Variants in NTM observed in about 807,000 individuals in gnomAD.
NTM encodes IgLON family member 2.
Under a neutral mutation model 42.1 loss-of-function variants are expected in NTM, and 13 were observed. The ratio of observed to expected loss-of-function variants is 0.31; its 90% confidence interval spans 0.20 to 0.49. The LOEUF (loss-of-function observed/expected upper bound fraction) is 0.49. NTM is among the 20% of genes least tolerant of loss of function. NTM has a pLI of 0.99. For missense variants in NTM, 373 were observed against 452.8 expected (o/e 0.82, Z 1.60); for synonymous variants, 187 against 179.2 (o/e 1.04, Z -0.35).
At chr11:131,681,105 C>T (rs796467767) in intron 1 of NTM, among the ~76,000 whole-genome samples, 1 of 53,696 alleles carries the variant, frequency 1.9e-5, no homozygotes, top group Non-Finnish European at 4.5e-5. Context: ...GTATGTCTCC[C>T]TGTGTGTGTG....
chr11:132,276,183 T>C (rs530464053), intron 4 of NTM, among the ~76,000 whole-genome samples: 1 of 152,266 alleles, frequency 6.6e-6, no homozygotes, highest in East Asian at 1.9e-4. Flanking sequence ...GATTTTATTT[T>C]TGTGTGGCTG....
At chr11:132,237,699 C>G (rs919401764) in intron 4 of NTM, among the ~76,000 whole-genome samples, 1 of 152,104 alleles carries the variant, frequency 6.6e-6, no homozygotes, top group Admixed American at 6.5e-5. Flanking sequence ...GCCAACTGTC[C>G]TCCCCTGTAA....
chr11:131,988,701 G>A (rs1565892537), intron 2 of NTM, among the ~76,000 whole-genome samples: 1 of 152,264 alleles, frequency 6.6e-6, no homozygotes, highest in Non-Finnish European at 1.5e-5. Context: ...TGGTTCCATA[G>A]GCAGTGCCTT....
At chr11:132,253,079 ATT>A (rs1407840383) in intron 4 of NTM, among the ~76,000 whole-genome samples, 2 of 152,176 alleles carry the variant, frequency 1.3e-5, no homozygotes, top group East Asian at 3.8e-4. Context: ...CTATTAAGGG[ATT>A]CTCTGTCCAA....
At chr11:132,282,196 A>G (rs2093996002) in intron 4 of NTM, among the ~76,000 whole-genome samples, 1 of 152,194 alleles carries the variant, frequency 6.6e-6, no homozygotes, top group African/African-American at 2.4e-5. Flanking sequence ...AGCCTGGCTC[A>G]ATGTTTACAT....
At chr11:131,925,806 C>T (rs752845074) in intron 2 of NTM, among the ~76,000 whole-genome samples, 6 of 152,102 alleles carry the variant, frequency 3.9e-5, no homozygotes, top group East Asian at 1.9e-4. Context: ...GGGTAGGAGA[C>T]GTACAAGGAA....
intron 1 of NTM, among the ~76,000 whole-genome samples, chr11:131,832,920 G>A (rs1003008800): frequency 6.6e-6 from 1 of 152,198 alleles, no homozygotes; most frequent in African/African-American, 2.4e-5. Context: ...CTGTTGTAAG[G>A]TATTTGTTGT....
intron 4 of NTM, among the ~76,000 whole-genome samples, chr11:132,263,726 G>A (rs1186375408): frequency 6.6e-6 from 1 of 152,014 alleles, no homozygotes; most frequent in African/African-American, 2.4e-5. Context: ...TAAATATCCA[G>A]TTTCATCCCT....
At chr11:132,031,743 G>C (rs954232809) in intron 2 of NTM, among the ~76,000 whole-genome samples, 2 of 152,176 alleles carry the variant, frequency 1.3e-5, no homozygotes, top group East Asian at 3.9e-4. Flanking sequence ...AGAGGTGCAG[G>C]CTGGAGACAG....
At chr11:131,508,207 A>T (rs1255288439) in intron 1 of NTM, among the ~76,000 whole-genome samples, 1 of 146,138 alleles carries the variant, frequency 6.8e-6, no homozygotes, top group Non-Finnish European at 1.5e-5. Flanking sequence ...AAACAACCCC[A>T]TCAAAAAGTG....
At chr11:131,810,238 C>T (rs1463465179) in intron 1 of NTM, among the ~76,000 whole-genome samples, 1 of 152,170 alleles carries the variant, frequency 6.6e-6, no homozygotes, top group African/African-American at 2.4e-5. Context: ...ATGAGACCAG[C>T]TGAATCCCCC....
chr11:132,122,679 T>C (rs1486586143), intron 2 of NTM, among the ~76,000 whole-genome samples: 1 of 152,138 alleles, frequency 6.6e-6, no homozygotes, highest in East Asian at 1.9e-4. Context: ...CCCAGGGGTG[T>C]CCTGAGCAAA....
chr11:132,159,420 G>GA (rs1368542912), intron 3 of NTM, among the ~76,000 whole-genome samples: 1 of 152,108 alleles, frequency 6.6e-6, no homozygotes, highest in South Asian at 2.1e-4. Flanking sequence ...ACAAATAAGG[G>GA]AAAAAATGTG....
chr11:132,037,598 G>C (rs2076667125), intron 2 of NTM, among the ~76,000 whole-genome samples: 1 of 152,110 alleles, frequency 6.6e-6, no homozygotes, highest in East Asian at 1.9e-4. Context: ...GAGGTCATGG[G>C]ATGAGGATAT....
chr11:131,703,093 G>A (rs967034975), intron 1 of NTM, among the ~76,000 whole-genome samples: 1 of 152,128 alleles, frequency 6.6e-6, no homozygotes, highest in Admixed American at 6.5e-5. Flanking sequence ...AAAAAGCAAA[G>A]CCATTAACAT....
At chr11:132,048,340 T>A (rs1329772170) in intron 2 of NTM, among the ~76,000 whole-genome samples, 1 of 152,186 alleles carries the variant, frequency 6.6e-6, no homozygotes, top group Non-Finnish European at 1.5e-5. Flanking sequence ...TTGTAGTTTG[T>A]AAAGATCTCT....
At chr11:132,204,109 A>G (rs1036964902) in intron 3 of NTM, among the ~76,000 whole-genome samples, 5 of 152,226 alleles carry the variant, frequency 3.3e-5, no homozygotes, top group African/African-American at 1.2e-4. Context: ...CTCCAATTCC[A>G]GGTAGACCTG....
intron 1 of NTM, among the ~76,000 whole-genome samples, chr11:131,375,075 G>A (rs1330076644): frequency 1.3e-5 from 2 of 152,158 alleles, no homozygotes; most frequent in African/African-American, 4.8e-5. Flanking sequence ...CACCCAATAT[G>A]CGTGGTCTCC....
chr11:132,009,575 G>A (rs2071620935), intron 2 of NTM, among the ~76,000 whole-genome samples: 1 of 152,206 alleles, frequency 6.6e-6, no homozygotes, highest in Non-Finnish European at 1.5e-5. Context: ...CCTGAGAATG[G>A]AGCACAAGCC....
Sources: allele counts gnomAD v4.1 joint callset (sites outside exome capture counted in the v4.1 genomes callset), GRCh38; gene constraint gnomAD v4.1.1; transcripts MANE v1.5; gene names NCBI Gene and HGNC (gene_info 2026-07-23, HGNC 2026-07-21).